Variants in MKLN1 observed in about 807,000 individuals in gnomAD.
MKLN1 encodes the protein muskelin 1, also known as muskelin.
MKLN1 carries 18 observed loss-of-function variants against 99.0 expected under a neutral mutation model. The ratio of observed to expected loss-of-function variants is 0.18; its 90% CI spans 0.13 to 0.27. MKLN1 has a LOEUF of 0.27. MKLN1 is among the 10% of genes least tolerant of loss of function. The pLI, the probability that MKLN1 is intolerant of heterozygous loss-of-function variation, is 1.00. For synonymous variants in MKLN1, 288 were observed against 293.2 expected, an observed-to-expected ratio of 0.98 and a Z score of 0.18; for missense variants, 621 against 875.9, an observed-to-expected ratio of 0.71 and a Z score of 3.67.
intron 2 of MKLN1, among the ~76,000 whole-genome samples, chr7:131,166,117 A>T (rs542613142): frequency 2.0e-5 from 3 of 152,234 alleles, no homozygotes; most frequent in African/African-American, 7.2e-5. Flanking sequence ...AAAAAAAAGA[A>T]AATGATTATG....
intron 1 of MKLN1, among the ~76,000 whole-genome samples, chr7:131,124,476 C>A (rs1050215148): frequency 4.6e-5 from 7 of 152,200 alleles, no homozygotes; most frequent in African/African-American, 1.7e-4. Context: ...AGGAGCCCTA[C>A]TTATGGGTCC....
At chr7:131,363,997 C>A (rs1456231038) in intron 1 of MKLN1, among the ~76,000 whole-genome samples, 1 of 152,006 alleles carries the variant, frequency 6.6e-6, no homozygotes, top group Non-Finnish European at 1.5e-5. Flanking sequence ...GTAACTCCAA[C>A]AAATAGTAAA....
chr7:131,309,697 A>C (rs9649559), intron 3 of MKLN1: 2 of 145,812 alleles, frequency 1.4e-5, no homozygotes, highest in African/African-American at 5.1e-5. Context: ...ACAGGTGTGA[A>C]CCACCACACT....
chr7:131,141,629 C>T (rs754915272), intron 1 of MKLN1, among the ~76,000 whole-genome samples: 4 of 152,178 alleles, frequency 2.6e-5, no homozygotes, highest in Admixed American at 1.3e-4. Context: ...CCAAAATGTA[C>T]GTATGTTGTG....
chr7:131,417,890 A>T (rs1040877946), intron 8 of MKLN1, among the ~76,000 whole-genome samples: 1 of 152,222 alleles, frequency 6.6e-6, no homozygotes, highest in South Asian at 2.1e-4. Context: ...ATGTATTTTT[A>T]AAATTTCTAC....
At chr7:131,373,693 A>G (rs960298523) in intron 1 of MKLN1, among the ~76,000 whole-genome samples, 2 of 152,188 alleles carry the variant, frequency 1.3e-5, no homozygotes, top group African/African-American at 4.8e-5. Context: ...TAGTTACTAT[A>G]TATGTTCTTT....
chr7:131,289,558 C>A (rs1162086067), intron 3 of MKLN1, among the ~76,000 whole-genome samples: 1 of 152,132 alleles, frequency 6.6e-6, no homozygotes, highest in Non-Finnish European at 1.5e-5. Context: ...CTCTTACTAC[C>A]AGGAAGCAGC....
intron 1 of MKLN1, among the ~76,000 whole-genome samples, chr7:131,113,423 A>G (rs1795225900): frequency 6.6e-6 from 1 of 152,232 alleles, no homozygotes; most frequent in African/African-American, 2.4e-5. Flanking sequence ...AAAGATTAGC[A>G]TGGTTGAGTA....
chr7:131,128,819 C>G (rs533587167), intron 1 of MKLN1, among the ~76,000 whole-genome samples: 6 of 151,278 alleles, frequency 4.0e-5, no homozygotes, highest in African/African-American at 1.5e-4. Flanking sequence ...AGCCTGGTCT[C>G]GAACTCCTGG....
chr7:131,189,083 G>A (rs1257953014), intron 2 of MKLN1, among the ~76,000 whole-genome samples: 9 of 152,150 alleles, frequency 5.9e-5, no homozygotes, highest in Admixed American at 4.6e-4. Flanking sequence ...AAAGGGATAC[G>A]GAAAATCATT....
rs187153150 is a variant in MKLN1, at chr7:131,317,942, G to A, written c.-178-57482G>A. Among the ~76,000 whole-genome samples, 82 of 152,198 alleles carry A rather than the reference G, an allele frequency of 5.4e-4. 1 individual carries two copies. Among genetic ancestry groups the A allele is most frequent in the African/African-American group, 2.0e-3 (81 of 41,530 alleles). ...AAATATATATGCACCCAATACAGGA[G>A]CACCCAGATTCATAAAACAAGTTCT... is the stretch of plus-strand genomic sequence containing the variant. On this transcript the variant is annotated intron_variant, in intron 3 of 7. Transcript: ENST00000416992.
intron 1 of MKLN1, among the ~76,000 whole-genome samples, chr7:131,349,674 A>G (rs1009568414): frequency 6.6e-6 from 1 of 152,224 alleles, no homozygotes; most frequent in Non-Finnish European, 1.5e-5. Flanking sequence ...ATTTCTGAAA[A>G]GATTGATAAT....
intron 4 of MKLN1, among the ~76,000 whole-genome samples, chr7:131,391,730 G>A (rs1176363296): frequency 6.6e-6 from 1 of 152,156 alleles, no homozygotes; most frequent in Admixed American, 6.5e-5. Flanking sequence ...AGGATAGGTA[G>A]CTATATTGGA....
chr7:131,321,473 G>A (rs1798775114), intron 3 of MKLN1, among the ~76,000 whole-genome samples: 1 of 152,032 alleles, frequency 6.6e-6, no homozygotes, highest in African/African-American at 2.4e-5. Flanking sequence ...TAATGCACGT[G>A]GGGCTTAAAA....
intron 3 of MKLN1, among the ~76,000 whole-genome samples, chr7:131,271,538 AC>A (rs1797884335): frequency 6.6e-6 from 1 of 151,288 alleles, no homozygotes; most frequent in Admixed American, 6.6e-5. Context: ...AATGGCGTGA[AC>A]CCGGGAGGCG....
Position 131,293,065 on chromosome 7 carries a change from C to T in MKLN1, c.-178-82359C>T, listed in dbSNP as rs139461672. Among the ~76,000 whole-genome samples, 637 of 152,328 alleles carry T rather than the reference C, an allele frequency of 4.2e-3. 3 individuals are homozygous for T. Among genetic ancestry groups the T allele is most frequent in the Non-Finnish European group, 7.6e-3 (516 of 68,034 alleles). ...TGGCTTTGTCACTTGCTTTTGCCAA[C>T]ATAATGCAGTTGAAGTGACAGAGTG... On this transcript the variant is annotated intron_variant, in intron 3 of 7. Coordinates refer to the MKLN1 transcript ENST00000416992.
intron 3 of MKLN1, among the ~76,000 whole-genome samples, chr7:131,254,871 A>G (rs554456264): frequency 1.3e-5 from 2 of 152,226 alleles, no homozygotes; most frequent in African/African-American, 4.8e-5. Flanking sequence ...GAGGAGCGGA[A>G]AAAAATTTCG....
At chr7:131,338,898 C>A (rs985155264) in intron 1 of MKLN1, among the ~76,000 whole-genome samples, 20 of 152,176 alleles carry the variant, frequency 1.3e-4, no homozygotes, top group African/African-American at 4.1e-4. Context: ...AAGGTCGATC[C>A]CTTCTCTTTC....
intron 1 of MKLN1, among the ~76,000 whole-genome samples, chr7:131,116,113 G>A (rs980361689): frequency 6.6e-6 from 1 of 152,020 alleles, no homozygotes; most frequent in African/African-American, 2.4e-5. Flanking sequence ...AGACCATCCT[G>A]ACTAACATGG....
Sources: allele counts gnomAD v4.1 joint callset (sites outside exome capture counted in the v4.1 genomes callset), GRCh38; gene constraint gnomAD v4.1.1; transcripts MANE v1.5; gene names NCBI Gene and HGNC (gene_info 2026-07-23, HGNC 2026-07-21).